NUDT4: variants seen among roughly 807,000 people sequenced by gnomAD.
The protein encoded by NUDT4 is nudix hydrolase 4.
A neutral mutation model predicts 23.1 loss-of-function variants in NUDT4; 5 were observed. The observed-to-expected ratio is 0.22, with a 90% confidence interval of 0.11 to 0.46. NUDT4 has a LOEUF of 0.46. NUDT4 is among the 20% of genes least tolerant of loss of function. NUDT4 has a pLI of 0.99. For missense variants in NUDT4, 96 were observed against 211.6 expected (o/e 0.45, Z 3.39); for synonymous variants, 50 against 79.0 (o/e 0.63, Z 1.95).
chr12:93,378,334 C>G lies in NUDT4; in HGVS notation c.12C>G (p.Phe4Leu), dbSNP rs748328163. 6.7e-7 allele frequency: 1 copy of G among 1,483,454 alleles called. No homozygotes were observed. The allele number at this position is 1,483,454 out of a possible 1,614,324, so 91.9% of individuals were successfully genotyped here. A position where few individuals can be genotyped will look rare whatever the true frequency, so the allele number is the denominator to read the frequency against. Reference protein sequence around the residue: MMKFKPNQTRTYDR... With the variant: MMKLKPNQTRTYDR... ...AGGAGCCCGCCTCTATGATGAAGTT[C>G]AAGCCCAACCAGACGCGGACCTACG... is the stretch of plus-strand genomic sequence containing the variant. Residue 4 changes from phenylalanine to leucine, a missense_variant, in exon 1 of 5, where the codon TTC becomes TTG. Physicochemically the swap from Phe to Leu is conservative, Grantham distance 22. Coordinates refer to ENST00000415493, the MANE Select transcript of NUDT4 (RefSeq NM_019094.6).
chr12:93,398,932 C>T, intron 4 of NUDT4, 77 bp downstream of exon 4: 1 of 1,053,952 alleles, frequency 9.5e-7, no homozygotes, highest in East Asian at 2.4e-5. Context: ...GGTAAGTTCC[C>T]TTTTGTTATC....
intron 1 of NUDT4, among the ~76,000 whole-genome samples, chr12:93,384,195 T>C (rs76488264): frequency 6.6e-6 from 1 of 151,854 alleles, no homozygotes; most frequent in Non-Finnish European, 1.5e-5. Flanking sequence ...TTTTTTTTTT[T>C]TCTCGCTCTG....
intron 1 of NUDT4, among the ~76,000 whole-genome samples, chr12:93,390,116 A>G (rs138826452): frequency 3.6e-4 from 55 of 152,250 alleles, no homozygotes; most frequent in African/African-American, 1.2e-3. Flanking sequence ...CCTATTTACT[A>G]TTTACTAAGT....
intron 1 of NUDT4, among the ~76,000 whole-genome samples, chr12:93,380,766 T>C (rs1462024834): frequency 6.6e-6 from 1 of 152,222 alleles, no homozygotes; most frequent in East Asian, 1.9e-4. Context: ...TGAATTTGCC[T>C]TCACTCTGTT....
chr12:93,387,988 C>T (rs1247705316), intron 1 of NUDT4, among the ~76,000 whole-genome samples: 1 of 152,160 alleles, frequency 6.6e-6, no homozygotes, highest in African/African-American at 2.4e-5. Context: ...TGGCCTTGCC[C>T]TCATTTGAAC....
At chr12:93,390,073 T>A (rs909976879) in intron 1 of NUDT4, among the ~76,000 whole-genome samples, 1 of 152,218 alleles carries the variant, frequency 6.6e-6, no homozygotes, top group African/African-American at 2.4e-5. Flanking sequence ...TATTCAGGAC[T>A]GCAACATTTT....
At chr12:93,388,851 AATTTT>A (rs1323329187) in intron 1 of NUDT4, among the ~76,000 whole-genome samples, 3 of 152,170 alleles carry the variant, frequency 2.0e-5, no homozygotes, top group Non-Finnish European at 2.9e-5. Context: ...TTGAATTTTA[AATTTT>A]ATTTAATCTT....
intron 3 of NUDT4, among the ~76,000 whole-genome samples, chr12:93,397,696 C>T (rs1877034016): frequency 6.6e-6 from 1 of 152,056 alleles, no homozygotes; most frequent in South Asian, 2.1e-4. Flanking sequence ...CTAATATTTT[C>T]GTATTTTTAG....
At chr12:93,385,217 T>G (rs1010209819) in intron 1 of NUDT4, 1 of 152,094 alleles carries the variant, frequency 6.6e-6, no homozygotes, top group Non-Finnish European at 1.5e-5. Flanking sequence ...GGGAGTAAGA[T>G]TTAGTAGAGT....
chr12:93,385,968 T>TATATATAC (rs1555193197), intron 1 of NUDT4, among the ~76,000 whole-genome samples: 1 of 133,614 alleles, frequency 7.5e-6, no homozygotes, highest in African/African-American at 2.8e-5. Flanking sequence ...TATATATATA[T>TATATATAC]ATACATAATT....
chr12:93,389,477 A>G (rs1876332731), intron 1 of NUDT4, among the ~76,000 whole-genome samples: 1 of 152,102 alleles, frequency 6.6e-6, no homozygotes, highest in Non-Finnish European at 1.5e-5. Context: ...AAATTTATAT[A>G]CTATTTTCAT....
chr12:93,390,733 G>A (rs1358073354), intron 1 of NUDT4, among the ~76,000 whole-genome samples: 2 of 152,012 alleles, frequency 1.3e-5, no homozygotes, highest in Non-Finnish European at 2.9e-5. Context: ...AGCCTCCTGA[G>A]TAGCTGGTAT....
chr12:93,378,680 A>G (rs1033192712), intron 1 of NUDT4: 55 of 1,170,450 alleles, frequency 4.7e-5, no homozygotes, highest in Non-Finnish European at 5.6e-5. Flanking sequence ...GTCCCCGGGA[A>G]GGTCCCGGGC....
intron 3 of NUDT4, 102 bp from the exon 4 acceptor site, chr12:93,398,669 T>A: frequency 1.4e-6 from 1 of 701,632 alleles, no homozygotes; most frequent in Non-Finnish European, 2.5e-6. Context: ...GGAAATACGC[T>A]ATGCTAATCA....
chr12:93,380,992 G>GT (rs1368971063), intron 1 of NUDT4: 3 of 152,194 alleles, frequency 2.0e-5, no homozygotes, highest in Non-Finnish European at 4.4e-5. Context: ...AAAAAGCTAC[G>GT]TGGCGCTCCC....
chr12:93,395,417 G>C (rs1270875736), intron 2 of NUDT4, 72 bp from the exon 3 acceptor site: 4 of 1,048,964 alleles, frequency 3.8e-6, no homozygotes, highest in Non-Finnish European at 5.9e-6. Flanking sequence ...TAAATAGCCA[G>C]AGTGTAACTT....
At chr12:93,390,617 C>CT (rs998035865) in intron 1 of NUDT4, among the ~76,000 whole-genome samples, 3 of 151,912 alleles carry the variant, frequency 2.0e-5, no homozygotes, top group African/African-American at 7.3e-5. Context: ...CCCCCCCTCC[C>CT]TTTTTTTGAG....
rs1352793902 is a variant in NUDT4 at position 93,377,930 on chromosome 12, C to T, written c.-393C>T. 4 of 313,232 alleles carry T rather than the reference C, an allele frequency of 1.3e-5. No homozygotes were observed. Among genetic ancestry groups the T allele is most frequent in the East Asian group, 8.7e-5 (1 of 11,494 alleles). 19.4% of individuals were successfully genotyped at this position (313,232 alleles called of 1,614,324 possible). A position where few individuals can be genotyped will look rare whatever the true frequency, so the allele number is the denominator to read the frequency against. The stretch of plus-strand genomic sequence containing the variant: ...GAGCAGAGGGGGCGGCGCGCGGTCG[C>T]CGCGGTGCTGCTGCTCAGTGGGAGC... On this transcript the variant is annotated 5_prime_UTR_variant, in exon 1 of 5. Transcript: ENST00000415493.
intron 1 of NUDT4, chr12:93,378,855 G>A (rs967729844): frequency 1.1e-6 from 1 of 915,370 alleles, no homozygotes. Flanking sequence ...ACAGCCGTTT[G>A]CGGTCTCGGA....
Sources: gnomAD v4.1 joint callset for allele counts (sites outside exome capture counted in the v4.1 genomes callset) on GRCh38, gnomAD v4.1.1 for gene constraint, MANE v1.5 for transcripts, NCBI Gene and HGNC (gene_info 2026-07-23, HGNC 2026-07-21) for gene names.